Variants in CCDC39 observed in about 807,000 individuals in gnomAD.
The protein encoded by CCDC39 is coiled-coil domain-containing protein 39.
CCDC39 carries 113 observed loss-of-function variants against 121.0 expected under a neutral mutation model. The observed-to-expected ratio is 0.93, with a 90% CI of 0.80 to 1.09. The LOEUF (loss-of-function observed/expected upper bound fraction) is 1.09. Among genes scored for constraint, CCDC39 ranks in the 50% least tolerant of loss-of-function variants. The pLI is 0.00. For synonymous variants in CCDC39, 349 were observed against 352.2 expected, an observed-to-expected ratio of 0.99 and a Z score of 0.10; for missense variants, 1,063 against 1,074.7, an observed-to-expected ratio of 0.99 and a Z score of 0.15.
intron 7 of CCDC39, 95 bp downstream of exon 7, chr3:180,654,665 AGT>A: frequency 2.8e-6 from 2 of 710,314 alleles, no homozygotes; most frequent in South Asian, 3.5e-5. Context: ...AAAAACTAGA[AGT>A]AGTTTCTTTA....
At chr3:180,649,568 A>T (rs1020632185) in intron 9 of CCDC39, among the ~76,000 whole-genome samples, 8 of 152,192 alleles carry the variant, frequency 5.3e-5, no homozygotes, top group Non-Finnish European at 1.0e-4. Flanking sequence ...ATCTTCTCAA[A>T]GATTGCCTGG....
intron 6 of CCDC39, among the ~76,000 whole-genome samples, chr3:180,657,220 T>G (rs1300147272): frequency 6.6e-6 from 1 of 152,182 alleles, no homozygotes; most frequent in Non-Finnish European, 1.5e-5. Flanking sequence ...ATATAGCAGT[T>G]GTCAAACACT....
intron 14 of CCDC39, among the ~76,000 whole-genome samples, chr3:180,623,538 A>C (rs967660242): frequency 6.6e-6 from 1 of 151,612 alleles, no homozygotes; most frequent in African/African-American, 2.4e-5. Flanking sequence ...CTTGAGGTGC[A>C]GTGTTAGGTT....
intron 12 of CCDC39, among the ~76,000 whole-genome samples, chr3:180,643,686 G>A (rs1718010238): frequency 6.6e-6 from 1 of 152,102 alleles, no homozygotes; most frequent in Non-Finnish European, 1.5e-5. Context: ...TAATTATATA[G>A]CTAGGAATTT....
chr3:180,644,793 A>G (rs1478817101), intron 11 of CCDC39, among the ~76,000 whole-genome samples: 1 of 152,186 alleles, frequency 6.6e-6, no homozygotes, highest in Non-Finnish European at 1.5e-5. Flanking sequence ...TACAGATGCA[A>G]TCACCCATTT....
At chr3:180,649,550 G>T (rs1718148606) in intron 9 of CCDC39, among the ~76,000 whole-genome samples, 2 of 152,032 alleles carry the variant, frequency 1.3e-5, no homozygotes, top group Admixed American at 6.6e-5. Flanking sequence ...ATTTTCTATA[G>T]GTTTAAGATC....
At position 180,651,452 on chromosome 3, in the gene CCDC39, C is replaced by A; in HGVS notation, c.1116G>T (p.Glu372Asp). Residue 372 changes from glutamate to aspartate, a missense_variant, in exon 9 of 20, where the codon GAG (glutamate) becomes GAT (aspartate). Physicochemically the swap from Glu to Asp is conservative, Grantham distance 45 (BLOSUM62 2). Transcript: ENST00000476379. ...EITEKTMSVE[E>D]KATNLEDMLK... is the part of the protein sequence containing the mutation. ...GCATATCTTCCAAATTAGTAGCTTT[C>A]TCTTCTACAGACATGGTTTTCTCAG... 6.4e-7 allele frequency: 1 copy of A among 1,556,874 alleles called. No homozygotes were observed. The highest frequency in any genetic ancestry group is 1.4e-5 in the African/African-American group (1 of 73,642).
rs768508195 is a variant in CCDC39, at chr3:180,631,600, GAAAA to G, written c.1875-12_1875-9del. 1 of 1,596,870 alleles carries G rather than the reference GAAAA, an allele frequency of 6.3e-7. No individual in the cohort carries two copies. Among genetic ancestry groups the G allele is most frequent in the African/African-American group, 1.3e-5 (1 of 74,326 alleles). On this transcript the variant is annotated splice_polypyrimidine_tract_variant and intron_variant, in intron 13 of 19. Transcript: ENST00000476379. ...CGCTCGCGAAACTCAGTGCTAATAAGAAAAAGAAACACTGAGAAATGAATAACAT... is the reference window on the plus strand; with the variant it reads ...CGCTCGCGAAACTCAGTGCTAATAAGAGAAACACTGAGAAATGAATAACAT...
chr3:180,621,592 T>C (rs1382976003), intron 14 of CCDC39, among the ~76,000 whole-genome samples: 3 of 152,082 alleles, frequency 2.0e-5, no homozygotes, highest in Non-Finnish European at 4.4e-5. Context: ...CTTCCAACTT[T>C]TAGGTTCAAG....
chr3:180,629,512 A>G (rs1288253361), intron 14 of CCDC39, among the ~76,000 whole-genome samples: 3 of 152,208 alleles, frequency 2.0e-5, no homozygotes, highest in Non-Finnish European at 4.4e-5. Flanking sequence ...GCCCACTAGA[A>G]AATGCCAACA....
chr3:180,664,819 C>A (rs929673366), intron 1 of CCDC39, among the ~76,000 whole-genome samples: 20 of 151,496 alleles, frequency 1.3e-4, no homozygotes, highest in Admixed American at 1.3e-3. Flanking sequence ...GTCTCAGCCT[C>A]CTGAGTAGCT....
At chr3:180,654,563 C>T (rs965555664) in intron 7 of CCDC39, among the ~76,000 whole-genome samples, 199 bp downstream of exon 7, 11 of 149,692 alleles carry the variant, frequency 7.3e-5, no homozygotes, top group Non-Finnish European at 1.0e-4. Flanking sequence ...AATGGCGCCC[C>T]GTGGTGCTTA....
At chr3:180,672,358 C>A (rs1712073024) in intron 1 of CCDC39, among the ~76,000 whole-genome samples, 1 of 152,168 alleles carries the variant, frequency 6.6e-6, no homozygotes, top group African/African-American at 2.4e-5. Context: ...CTTTGGGAGG[C>A]CAAGGCAGGC....
intron 8 of CCDC39, among the ~76,000 whole-genome samples, chr3:180,651,776 G>GC (rs1459309600): frequency 6.8e-4 from 104 of 152,200 alleles, no homozygotes; most frequent in African/African-American, 2.3e-3. Context: ...GGTGGCTCAC[G>GC]CCTGTAATCC....
chr3:180,647,801 A>G (rs564836228), intron 10 of CCDC39, among the ~76,000 whole-genome samples: 1 of 152,132 alleles, frequency 6.6e-6, no homozygotes, highest in East Asian at 1.9e-4. Flanking sequence ...CTTTTACTCT[A>G]TTAGCATGGG....
At position 180,661,860 on chromosome 3, in the gene CCDC39, C is replaced by G. The variant is rs397515392; in HGVS notation, c.357+1G>C. On this transcript the variant is annotated splice_donor_variant, in intron 3 of 19. Transcript: ENST00000476379. LOFTEE classifies it high-confidence loss of function. ...ATTTTAAGTAATATTTCAACATATA[C>G]TTCTTTATCACTTTTCTTTTCCAGT... 1.4e-4 allele frequency: 222 copies of G among 1,577,022 alleles called. No homozygotes were observed. Among genetic ancestry groups the G allele is most frequent in the Admixed American group, 2.8e-4 (15 of 54,430 alleles).
chr3:180,645,629 A>G (rs890305847), intron 11 of CCDC39, among the ~76,000 whole-genome samples: 1 of 152,144 alleles, frequency 6.6e-6, no homozygotes, highest in Non-Finnish European at 1.5e-5. Flanking sequence ...GTGATTTTCA[A>G]CCTGAAGAAA....
At chr3:180,665,339 C>G (rs954717315) in intron 1 of CCDC39, among the ~76,000 whole-genome samples, 1 of 152,122 alleles carries the variant, frequency 6.6e-6, no homozygotes, top group Non-Finnish European at 1.5e-5. Flanking sequence ...CTCAAAGCAG[C>G]ATATAAGCTC....
At chr3:180,624,770 T>C (rs1717518754) in intron 14 of CCDC39, among the ~76,000 whole-genome samples, 2 of 152,202 alleles carry the variant, frequency 1.3e-5, no homozygotes, top group Admixed American at 6.5e-5. Flanking sequence ...AATTGGGGGC[T>C]GACAGGTGTT....
Sources: gnomAD v4.1 joint callset for allele counts (sites outside exome capture counted in the v4.1 genomes callset) on GRCh38, gnomAD v4.1.1 for gene constraint, MANE v1.5 for transcripts, NCBI Gene and HGNC (gene_info 2026-07-23, HGNC 2026-07-21) for gene names.